IQCH: variants seen among roughly 807,000 people sequenced by gnomAD.
The protein encoded by IQCH is IQ motif containing H, also known as IQ domain-containing protein H.
In IQCH, 98 loss-of-function variants were observed where a neutral mutation model predicts 117.0. The ratio of observed to expected loss-of-function variants is 0.84; its 90% CI spans 0.71 to 0.99. IQCH has a LOEUF of 0.99. Among genes scored for constraint, IQCH ranks in the 50% least tolerant of loss-of-function variants. IQCH has a pLI of 0.00. For missense variants in IQCH, 1,102 were observed against 1,243.8 expected (o/e 0.89, Z 1.72); for synonymous variants, 412 against 448.2 (o/e 0.92, Z 1.02).
At chr15:67,418,008 G>A (rs1398525399) in intron 15 of IQCH, among the ~76,000 whole-genome samples, 1 of 152,162 alleles carries the variant, frequency 6.6e-6, no homozygotes, top group South Asian at 2.1e-4. Flanking sequence ...ACTCTTCTAA[G>A]TATATCTATG....
chr15:67,497,024 C>CAA (rs753821092), intron 20 of IQCH, among the ~76,000 whole-genome samples: 173 of 35,176 alleles, frequency 4.9e-3, no homozygotes, highest in Non-Finnish European at 5.9e-3. Flanking sequence ...GACTCCGTCT[C>CAA]AAAAAAAAAA....
chr15:67,495,735 C>T (rs946403530), intron 20 of IQCH, among the ~76,000 whole-genome samples: 1 of 152,198 alleles, frequency 6.6e-6, no homozygotes, highest in Non-Finnish European at 1.5e-5. Flanking sequence ...TCTGCCCTTT[C>T]TCTGACTTTC....
rs190639172 is a variant in IQCH at position 67,406,628 on chromosome 15, T to G, written c.2097+6323T>G. 29 of 152,310 alleles carry G rather than the reference T, an allele frequency of 1.9e-4. No homozygotes were observed. The highest frequency in any genetic ancestry group is 1.8e-3 in the Admixed American group (28 of 15,294). The allele number at this position is 152,310 out of a possible 1,614,324, so 9.4% of individuals were successfully genotyped here. A position where few individuals can be genotyped will look rare whatever the true frequency, so the allele number is the denominator to read the frequency against. ...TCCAGGTTGACATAGTAAACTGCCT[T>G]TTAAGCAGAATGAGTGTTGGAACAG... On this transcript the variant is annotated intron_variant, in intron 14 of 20. Coordinates refer to ENST00000335894, the MANE Select transcript of IQCH (RefSeq NM_001031715.3). This position sits in a 1 kb window ranked among gnomAD's most constrained non-coding sequence, Gnocchi z 4.5.
At position 67,405,832 on chromosome 15, in the gene IQCH, A is replaced by C. The variant is rs1171417560; in HGVS notation, c.2097+5527A>C. 1 of 152,212 alleles carries C rather than the reference A, an allele frequency of 6.6e-6. No individual in the cohort carries two copies. The allele number at this position is 152,212 out of a possible 1,614,324, so 9.4% of individuals were successfully genotyped here. Reference sequence around the variant, plus strand: ...TTTCCAGAGATTTGTGGGAAACGCAAATATTCCTGGAACACAGAGGCCACT... The same window carrying C: ...TTTCCAGAGATTTGTGGGAAACGCACATATTCCTGGAACACAGAGGCCACT... On this transcript the variant is annotated intron_variant, in intron 14 of 20. Transcript: ENST00000335894. The surrounding 1 kb of genome is among the most constrained non-coding windows in gnomAD (Gnocchi z 4.8).
rs1395044723 is a variant in IQCH at position 67,491,765 on chromosome 15, C to T, written c.2861+1701C>T. 6.6e-6 allele frequency among the ~76,000 whole-genome samples: 1 copy of T among 152,096 alleles called. No homozygotes were observed. The highest frequency in any genetic ancestry group is 1.9e-4 in the East Asian group (1 of 5,180). ...GCAGGGAAGGATCAGCCCCTTGCTT[C>T]CCAGTAACATTCTGCCCCTCAGCTC... On this transcript the variant is annotated intron_variant, in intron 19 of 20. Transcript: ENST00000335894. The surrounding 1 kb of genome is among the most constrained non-coding windows in gnomAD (Gnocchi z 4.9).
chr15:67,364,596 A>T lies in IQCH; in HGVS notation c.753+4711A>T, dbSNP rs967115478. Among the ~76,000 whole-genome samples, 8 of 152,150 alleles carry T rather than the reference A, an allele frequency of 5.3e-5. No homozygotes were observed. The highest frequency in any genetic ancestry group is 5.9e-5 in the Non-Finnish European group (4 of 68,004). ...ATTATCAGCCAACAAGATAATCTGTATTTTTTCACTTTATCTCTTTCATTG... is the reference window on the plus strand; with the variant it reads ...ATTATCAGCCAACAAGATAATCTGTTTTTTTTCACTTTATCTCTTTCATTG... On this transcript the variant is annotated intron_variant, in intron 8 of 20. Coordinates refer to ENST00000335894, the MANE Select transcript of IQCH (RefSeq NM_001031715.3). The surrounding 1 kb of genome is among the most constrained non-coding windows in gnomAD (Gnocchi z 4.1).
At chr15:67,325,444 C>T (rs1400213326) in intron 4 of IQCH, among the ~76,000 whole-genome samples, 2 of 151,806 alleles carry the variant, frequency 1.3e-5, no homozygotes, top group African/African-American at 4.8e-5. Flanking sequence ...CTACCTTTGT[C>T]AATTGTTTAT....
At chr15:67,285,985 A>G (rs1966547627) in intron 4 of IQCH, among the ~76,000 whole-genome samples, 1 of 152,144 alleles carries the variant, frequency 6.6e-6, no homozygotes. Context: ...TGTCATTGGT[A>G]CTTTGATAGG....
intron 18 of IQCH, among the ~76,000 whole-genome samples, chr15:67,483,216 A>G (rs1400109396): frequency 6.6e-6 from 1 of 152,186 alleles, no homozygotes; most frequent in Non-Finnish European, 1.5e-5. Context: ...GGGCAACTAA[A>G]ACAGTCCTTA....
At chr15:67,478,563 AAG>A (rs1161356599) in intron 18 of IQCH, among the ~76,000 whole-genome samples, 5 of 152,094 alleles carry the variant, frequency 3.3e-5, no homozygotes, top group African/African-American at 1.2e-4. Context: ...AAGATAAGAG[AAG>A]AGAGAGGAGA....
intron 3 of IQCH, among the ~76,000 whole-genome samples, chr15:67,274,785 G>T (rs1334504894): frequency 6.6e-6 from 1 of 151,912 alleles, no homozygotes; most frequent in Non-Finnish European, 1.5e-5. Context: ...GGCTTGTTTT[G>T]GTTTTTAATG....
intron 4 of IQCH, chr15:67,304,454 G>T (rs1447303779): frequency 2.1e-6 from 3 of 1,455,282 alleles, no homozygotes; most frequent in African/African-American, 2.8e-5. Context: ...AGAAAAGCAT[G>T]TGTAAGTAAT....
intron 6 of IQCH, among the ~76,000 whole-genome samples, chr15:67,354,463 T>C (rs1269102615): frequency 1.3e-5 from 2 of 152,190 alleles, no homozygotes; most frequent in African/African-American, 4.8e-5. Flanking sequence ...TGATTGTTGT[T>C]ATCAACCAAA....
chr15:67,434,367 T>C (rs1312612181), intron 16 of IQCH, among the ~76,000 whole-genome samples: 1 of 152,214 alleles, frequency 6.6e-6, no homozygotes, highest in East Asian at 1.9e-4. Flanking sequence ...TCACTTAGCA[T>C]ATTATCCTCC....
intron 4 of IQCH, among the ~76,000 whole-genome samples, chr15:67,297,089 C>G (rs1966856916): frequency 6.6e-6 from 1 of 152,146 alleles, no homozygotes; most frequent in Admixed American, 6.5e-5. Flanking sequence ...TGTTTAGGAG[C>G]AGCATGGAGT....
intron 14 of IQCH, among the ~76,000 whole-genome samples, chr15:67,402,974 A>G (rs1316337499): frequency 6.6e-6 from 1 of 152,230 alleles, no homozygotes; most frequent in Non-Finnish European, 1.5e-5. Context: ...TGGGCCGGGC[A>G]TGGTGGCTCA....
rs113387389 is a variant in IQCH, at chr15:67,392,449, T to C, written c.1633-2842T>C. On this transcript the variant is annotated intron_variant, in intron 12 of 20. Coordinates refer to ENST00000335894, the MANE Select transcript of IQCH (RefSeq NM_001031715.3). ...GCCATTGTCAAATGGAACATTGAGT[T>C]TCCTAGAACTGCATCCTCAGAAGTA... Among the ~76,000 whole-genome samples, 821 of 152,264 alleles carry C rather than the reference T, an allele frequency of 5.4e-3. 6 individuals carry two copies. Among genetic ancestry groups the C allele is most frequent in the African/African-American group, 0.017 (704 of 41,536 alleles).
At position 67,417,320 on chromosome 15, in the gene IQCH, C is replaced by T. The variant is rs1391560880; in HGVS notation, c.2218+269C>T. Among the ~76,000 whole-genome samples, 2 of 152,166 alleles carry T rather than the reference C, an allele frequency of 1.3e-5. No individual in the cohort carries two copies. Among genetic ancestry groups the T allele is most frequent in the African/African-American group, 2.4e-5 (1 of 41,430 alleles). On this transcript the variant is annotated intron_variant, in intron 15 of 20. Coordinates refer to ENST00000335894, the MANE Select transcript of IQCH (RefSeq NM_001031715.3). The surrounding 1 kb of genome is among the most constrained non-coding windows in gnomAD (Gnocchi z 4.3). The stretch of plus-strand genomic sequence containing the variant: ...CTACAAACTTCTCCTGAGAGGTGGG[C>T]TTTGGAATCAGATTACCTGGGTCTG...
At position 67,385,458 on chromosome 15, in the gene IQCH, A is replaced by AT. The variant is rs1025396366; in HGVS notation, c.1456+444dup. On this transcript the variant is annotated intron_variant, in intron 11 of 20. Transcript: ENST00000335894. This position sits in a 1 kb window ranked among gnomAD's most constrained non-coding sequence, Gnocchi z 4.6. ...AAGAAAAAGGGGAAAATTAAGATAGATTTTTAAAAGAAGCTTTTATTTAAA... is the reference window on the plus strand; with the variant it reads ...AAGAAAAAGGGGAAAATTAAGATAGATTTTTTAAAAGAAGCTTTTATTTAAA... Among the ~76,000 whole-genome samples the AT allele has an allele frequency of 4.6e-5, 7 of 152,224 alleles. No homozygotes were observed. The highest frequency in any genetic ancestry group is 1.7e-4 in the African/African-American group (7 of 41,466).
Sources: gnomAD v4.1 joint callset for allele counts (sites outside exome capture counted in the v4.1 genomes callset) on GRCh38, gnomAD v4.1.1 for gene constraint, Gnocchi (gnomAD v3.1) non-coding constraint, MANE v1.5 for transcripts, NCBI Gene and HGNC (gene_info 2026-07-23, HGNC 2026-07-21) for gene names.